The following WDFY4 variants were observed in gnomAD, a reference collection of about 807,000 sequenced individuals.
WDFY4 encodes the protein WDFY family member 4, also known as WD repeat- and FYVE domain-containing protein 4.
A neutral mutation model predicts 351.9 loss-of-function variants in WDFY4; 169 were observed. The ratio of observed to expected loss-of-function variants is 0.48; its 90% CI spans 0.42 to 0.55. WDFY4 has a LOEUF of 0.55. Among genes scored for constraint, WDFY4 ranks in the 20% least tolerant of loss-of-function variants. The probability of loss-of-function intolerance (pLI) is 0.00; values close to 1 mark genes in which losing one functional copy is unlikely to be tolerated. For missense variants in WDFY4, 3,803 were observed against 3,935.6 expected (o/e 0.97, Z 0.90); for synonymous variants, 1,622 against 1,574.6 (o/e 1.03, Z -0.71).
In WDFY4 at chr10:48,829,878, G is replaced by A. The variant is rs139269827; in HGVS notation, c.6341-822G>A. 4.8e-3 allele frequency among the ~76,000 whole-genome samples: 737 copies of A among 152,250 alleles called. 8 individuals are homozygous for A. The highest frequency in any genetic ancestry group is 0.017 in the African/African-American group (689 of 41,546). On this transcript the variant is annotated intron_variant, in intron 37 of 61. Transcript: ENST00000325239. ...AAAAATAAAAGATTGTACACACAGG[G>A]CCTCTGTGTTCTGGTCAGGTAGCTG...
intron 1 of WDFY4, among the ~76,000 whole-genome samples, chr10:48,690,076 C>G (rs527318570): frequency 1.6e-4 from 25 of 152,346 alleles, no homozygotes; most frequent in African/African-American, 5.8e-4. Flanking sequence ...AGGAGTATGA[C>G]AGTGGTTCTT....
At chr10:48,709,037 A>G (rs1023109202) in intron 1 of WDFY4, among the ~76,000 whole-genome samples, 2 of 150,438 alleles carry the variant, frequency 1.3e-5, no homozygotes, top group Non-Finnish European at 3.0e-5. Context: ...CTTTAGTGTG[A>G]AAGTTTGCAT....
intron 12 of WDFY4, among the ~76,000 whole-genome samples, chr10:48,748,267 G>A (rs2065072693): frequency 6.6e-6 from 1 of 152,164 alleles, no homozygotes; most frequent in Non-Finnish European, 1.5e-5. Flanking sequence ...TGTCTATGGA[G>A]GCTGAGCACT....
intron 7 of WDFY4, 107 bp from the exon 8 acceptor site, chr10:48,729,324 TC>T: frequency 1.4e-6 from 2 of 1,469,540 alleles, no homozygotes; most frequent in Admixed American, 2.2e-5. Context: ...TGTGGGGTCT[TC>T]CCCAGCTTGC....
chr10:48,704,153 G>T (rs1375330517), intron 1 of WDFY4, among the ~76,000 whole-genome samples: 1 of 152,116 alleles, frequency 6.6e-6, no homozygotes, highest in Non-Finnish European at 1.5e-5. Context: ...GTTCATGCAG[G>T]AAGGGCAGAG....
At chr10:48,691,644 G>A (rs1236467998) in intron 1 of WDFY4, among the ~76,000 whole-genome samples, 1 of 152,222 alleles carries the variant, frequency 6.6e-6, no homozygotes, top group African/African-American at 2.4e-5. Context: ...AAATTAGTAG[G>A]CATAAAGAGA....
At chr10:48,795,273 T>C (rs1363924433) in intron 23 of WDFY4, among the ~76,000 whole-genome samples, 3 of 151,440 alleles carry the variant, frequency 2.0e-5, no homozygotes, top group Non-Finnish European at 4.4e-5. Flanking sequence ...GAAGAGAGGT[T>C]AGAGGAGAGA....
At chr10:48,921,706 A>T (rs1640324362) in intron 47 of WDFY4, among the ~76,000 whole-genome samples, 2 of 152,224 alleles carry the variant, frequency 1.3e-5, no homozygotes, top group Non-Finnish European at 2.9e-5. Flanking sequence ...ATCTATAAAG[A>T]TCTTTTCAAC....
intron 47 of WDFY4, among the ~76,000 whole-genome samples, chr10:48,922,299 T>G (rs1451673458): frequency 6.6e-6 from 1 of 152,246 alleles, no homozygotes; most frequent in Non-Finnish European, 1.5e-5. Context: ...GGATTCACTC[T>G]GTAAATGCTA....
At chr10:48,744,680 G>A (rs1589506180) in intron 12 of WDFY4, among the ~76,000 whole-genome samples, 2 of 152,194 alleles carry the variant, frequency 1.3e-5, no homozygotes, top group East Asian at 1.9e-4. Context: ...CCTAGCTAAT[G>A]TGACAGAACT....
chr10:48,717,757 A>G (rs903113719), intron 2 of WDFY4, among the ~76,000 whole-genome samples: 6 of 152,232 alleles, frequency 3.9e-5, no homozygotes, highest in African/African-American at 1.2e-4. Flanking sequence ...TCAGTACTAT[A>G]TAGTATCCTA....
chr10:48,910,052 G>A (rs1395135640), intron 47 of WDFY4: 1 of 570,856 alleles, frequency 1.8e-6, no homozygotes, highest in Non-Finnish European at 3.1e-6. Context: ...TCACACACAG[G>A]TGGGCTAAAG....
chr10:48,783,799 G>A (rs371727349), intron 19 of WDFY4, among the ~76,000 whole-genome samples: 1 of 152,180 alleles, frequency 6.6e-6, no homozygotes, highest in East Asian at 1.9e-4. Flanking sequence ...TAGACAGCAT[G>A]TTGCTATACT....
At position 48,820,427 on chromosome 10, in the gene WDFY4, T is replaced by A. The variant is rs1233287111; in HGVS notation, c.5699T>A (p.Val1900Glu). Residue 1900 changes from valine to glutamate, a missense_variant, in exon 33 of 62, where the codon GTG becomes GAG. Around this residue, in one of 3 missense-constraint regions of WDFY4, gnomAD observed 3,054 missense variants for 3,148.6 expected, o/e 0.97. Coordinates refer to ENST00000325239, the MANE Select transcript of WDFY4 (RefSeq NM_001394531.1). ...CCCAAGCAGTGGCTGCCCCTGGAGG[T>A]GCTCCTGGAGGTGGGTTGGAAAAGG... ...SSPKQWLPLEVLLEASPDHAT... is the reference protein window; with the variant it reads ...SSPKQWLPLEELLEASPDHAT... 1.3e-6 allele frequency: 2 copies of A among 1,550,732 alleles called. No individual in the cohort carries two copies. Among genetic ancestry groups the A allele is most frequent in the Non-Finnish European group, 1.7e-6 (2 of 1,146,626 alleles).
intron 1 of WDFY4, among the ~76,000 whole-genome samples, chr10:48,686,372 A>G (rs1402743258): frequency 6.6e-6 from 1 of 151,768 alleles, no homozygotes; most frequent in East Asian, 1.9e-4. Context: ...CCATAATAAG[A>G]TAGAAGTAAT....
chr10:48,936,380 C>T (rs1840360449), intron 47 of WDFY4, among the ~76,000 whole-genome samples: 2 of 151,954 alleles, frequency 1.3e-5, no homozygotes, highest in African/African-American at 2.4e-5. Flanking sequence ...AATTCTACTA[C>T]CCAGTATACT....
intron 36 of WDFY4, among the ~76,000 whole-genome samples, chr10:48,827,930 T>C (rs756145330): frequency 3.9e-5 from 6 of 151,938 alleles, no homozygotes; most frequent in African/African-American, 9.7e-5. Context: ...TTAGGCCTTG[T>C]CCATCCTGGA....
Position 48,963,713 on chromosome 10 carries a change from A to G in WDFY4, c.8224-129A>G, listed in dbSNP as rs373508615. On this transcript the variant is annotated intron_variant, in intron 53 of 61. Coordinates refer to ENST00000325239, the MANE Select transcript of WDFY4 (RefSeq NM_001394531.1). ...CTGCCTCTTTGTGCTCATCAAGCCC[A>G]GGGGCTCATCAATTATCTCCTCTGT... The G allele has an allele frequency of 4.0e-5, 42 of 1,058,662 alleles. No homozygotes were observed. In the African/African-American group the frequency reaches 5.2e-4, roughly 13 times the overall value. 65.6% of individuals were successfully genotyped at this position (1,058,662 alleles called of 1,614,324 possible). A position where few individuals can be genotyped will look rare whatever the true frequency, so the allele number is the denominator to read the frequency against.
chr10:48,822,235 C>A, intron 34 of WDFY4, 145 bp from the exon 35 acceptor site: 1 of 801,926 alleles, frequency 1.2e-6, no homozygotes, highest in Non-Finnish European at 1.7e-6. Context: ...GTGTTGGGCA[C>A]CTCGTCAGTA....
Sources: gnomAD v4.1 joint callset for allele counts (sites outside exome capture counted in the v4.1 genomes callset) on GRCh38, gnomAD v4.1.1 for gene constraint, gnomAD v4.1.1 regional missense constraint, MANE v1.5 for transcripts, NCBI Gene and HGNC (gene_info 2026-07-23, HGNC 2026-07-21) for gene names.